TUT4: variants seen among roughly 807,000 people sequenced by gnomAD.
TUT4 encodes terminal uridylyl transferase 4.
In TUT4, 36 loss-of-function variants were observed where a neutral mutation model predicts 192.2. The ratio of observed to expected loss-of-function variants is 0.19; its 90% CI spans 0.14 to 0.25. TUT4 has a LOEUF of 0.25. Ranked by LOEUF, TUT4 falls within the 10% of genes least tolerant of loss-of-function variation. The pLI, the probability that TUT4 is intolerant of heterozygous loss-of-function variation, is 1.00. For synonymous variants in TUT4, 618 were observed against 666.0 expected, an observed-to-expected ratio of 0.93 and a Z score of 1.11; for missense variants, 1,493 against 1,957.2, an observed-to-expected ratio of 0.76 and a Z score of 4.47.
chr1:52,477,838 C>CTG lies in TUT4; in HGVS notation c.1891_1892dup (p.Gln631HisfsTer5). ...AGAATTTAAGCAGCTCTAACCATAACTGTCCCAAGGATACCCGATTTGGTG... is the reference window on the plus strand; with the variant it reads ...AGAATTTAAGCAGCTCTAACCATAACTGTGTCCCAAGGATACCCGATTTGGTG... On this transcript the variant is annotated frameshift_variant, in exon 12 of 30. Coordinates refer to ENST00000257177, the MANE Select transcript of TUT4 (RefSeq NM_001009881.3). LOFTEE classifies it high-confidence loss of function. 6.2e-7 allele frequency: 1 copy of CTG among 1,613,838 alleles called. No homozygotes were observed. The highest frequency in any genetic ancestry group is 2.2e-5 in the East Asian group (1 of 44,850).
intron 20 of TUT4, among the ~76,000 whole-genome samples, chr1:52,456,497 AAAAG>A (rs1371916974): frequency 2.0e-5 from 3 of 150,894 alleles, no homozygotes; most frequent in Admixed American, 6.6e-5. Context: ...TTAAAAAAAA[AAAAG>A]AAAGAAAAAG....
chr1:52,441,625 T>C (rs927216750), intron 24 of TUT4, among the ~76,000 whole-genome samples: 3 of 151,754 alleles, frequency 2.0e-5, no homozygotes, highest in East Asian at 1.9e-4. Flanking sequence ...ATAAGTAAAT[T>C]TGAAATAGTT....
intron 15 of TUT4, among the ~76,000 whole-genome samples, chr1:52,467,975 T>C (rs1190978486): frequency 2.6e-5 from 4 of 152,198 alleles, no homozygotes; most frequent in Non-Finnish European, 5.9e-5. Context: ...TTTGCTGATA[T>C]AATATTATAT....
chr1:52,475,648 G>C (rs1464972152), intron 12 of TUT4, 113 bp from the exon 13 acceptor site: 1 of 1,038,008 alleles, frequency 9.6e-7, no homozygotes, highest in Admixed American at 3.0e-5. Context: ...TTTTCCCAAG[G>C]GGTTTTTCTA....
intron 9 of TUT4, among the ~76,000 whole-genome samples, chr1:52,487,517 A>G (rs1670104928): frequency 6.6e-6 from 1 of 152,164 alleles, no homozygotes; most frequent in African/African-American, 2.4e-5. Context: ...CTGATTTCCT[A>G]TAGTATGCTA....
chr1:52,519,790 C>T (rs970623079), intron 2 of TUT4, among the ~76,000 whole-genome samples: 35 of 151,762 alleles, frequency 2.3e-4, no homozygotes, highest in Non-Finnish European at 3.8e-4. Context: ...ATTACAGGCG[C>T]GAGCCACTGC....
chr1:52,448,341 A>G (rs1252668154), intron 20 of TUT4, among the ~76,000 whole-genome samples: 3 of 152,186 alleles, frequency 2.0e-5, no homozygotes, highest in Non-Finnish European at 4.4e-5. Context: ...TAATCCCAGC[A>G]CTTTGGGAGG....
chr1:52,446,096 G>T, intron 22 of TUT4, 92 bp from the exon 23 acceptor site: 2 of 1,328,442 alleles, frequency 1.5e-6, no homozygotes, highest in Non-Finnish European at 2.1e-6. Flanking sequence ...ATACTTATAT[G>T]TACTCAGACT....
At chr1:52,521,024 C>A (rs1476346274) in intron 2 of TUT4, among the ~76,000 whole-genome samples, 5 of 152,098 alleles carry the variant, frequency 3.3e-5, no homozygotes, top group Non-Finnish European at 7.3e-5. Flanking sequence ...GAACTCCTGA[C>A]CTCAGGTGAT....
chr1:52,514,155 A>G (rs1052344591), intron 3 of TUT4, among the ~76,000 whole-genome samples: 3 of 152,144 alleles, frequency 2.0e-5, no homozygotes, highest in African/African-American at 7.2e-5. Context: ...ATAACTAAGT[A>G]AAAGGCCGGG....
At chr1:52,517,368 T>C (rs1678994715) in intron 2 of TUT4, among the ~76,000 whole-genome samples, 1 of 152,214 alleles carries the variant, frequency 6.6e-6, no homozygotes, top group East Asian at 1.9e-4. Flanking sequence ...TCTACAAGTA[T>C]TTCAAAAAAG....
chr1:52,462,884 G>T, intron 16 of TUT4: 1 of 985,168 alleles, frequency 1.0e-6, no homozygotes, highest in Non-Finnish European at 1.2e-6. Flanking sequence ...TAGCTGAAGG[G>T]TATAAACATC....
chr1:52,515,535 G>A, intron 3 of TUT4: 1 of 355,300 alleles, frequency 2.8e-6, no homozygotes, highest in Non-Finnish European at 5.1e-6. Flanking sequence ...CATGAAAGTA[G>A]CCATAAACGA....
intron 27 of TUT4, chr1:52,434,759 G>T (rs1653223855): frequency 6.6e-6 from 1 of 152,134 alleles, no homozygotes; most frequent in Non-Finnish European, 1.5e-5. Flanking sequence ...CATGATCCCA[G>T]GGGTGTGGAT....
At chr1:52,470,442 T>C (rs1665428065) in intron 14 of TUT4, among the ~76,000 whole-genome samples, 2 of 151,848 alleles carry the variant, frequency 1.3e-5, no homozygotes. Flanking sequence ...TTAGTCAAGA[T>C]AAATAAAAGC....
In TUT4 at chr1:52,445,834, T is replaced by G; in HGVS notation, c.3775A>C (p.Arg1259=). 1 of 1,613,044 alleles carries G rather than the reference T, an allele frequency of 6.2e-7. No homozygotes were observed. Among genetic ancestry groups the G allele is most frequent in the Non-Finnish European group, 8.5e-7 (1 of 1,179,502 alleles). Residue 1259 remains arginine, a synonymous_variant, in exon 24 of 30, where the codon AGG becomes CGG. Transcript: ENST00000257177. ...TAAAAAGGGGTACCAAAAAGTTTCC[T>G]TCCATTGATAAATGCTTTCATGATG... The part of the protein sequence containing the change: ...NFIMKAFING[R]KLFGTPFYPL...
intron 4 of TUT4, among the ~76,000 whole-genome samples, chr1:52,499,649 G>A (rs1673537321): frequency 6.6e-6 from 1 of 151,110 alleles, no homozygotes; most frequent in Non-Finnish European, 1.5e-5. Flanking sequence ...GGTGAGGATG[G>A]CTTGAGCCCC....
intron 22 of TUT4, 34 bp downstream of exon 22, chr1:52,446,231 G>C: frequency 6.4e-7 from 1 of 1,571,474 alleles, no homozygotes; most frequent in Non-Finnish European, 8.6e-7. Context: ...CCAAATTTTG[G>C]TTGCTCCTGA....
rs202003196 is a variant in TUT4 at position 52,425,311 on chromosome 1, C to T, written c.4870+38G>A. ...AAGGCTCTCTATCCCAGAATAAAAC[C>T]CACCCAAGCCTGTTAACTAATTTGT... On this transcript the variant is annotated intron_variant, in intron 29 of 29. Coordinates refer to ENST00000257177, the MANE Select transcript of TUT4 (RefSeq NM_001009881.3). 8.8e-5 allele frequency: 140 copies of T among 1,586,860 alleles called. No homozygotes were observed. In the African/African-American group the frequency reaches 1.7e-3, roughly 20 times the overall value.
Sources: allele counts gnomAD v4.1 joint callset (sites outside exome capture counted in the v4.1 genomes callset), GRCh38; gene constraint gnomAD v4.1.1; transcripts MANE v1.5; gene names NCBI Gene and HGNC (gene_info 2026-07-23, HGNC 2026-07-21).